Variants in SFSWAP observed in about 807,000 individuals in gnomAD.
The protein encoded by SFSWAP is splicing factor SWAP.
SFSWAP carries 17 observed loss-of-function variants against 100.7 expected under a neutral mutation model. The observed-to-expected ratio is 0.17, with a 90% CI of 0.12 to 0.25. The LOEUF (loss-of-function observed/expected upper bound fraction) is 0.25. Among genes scored for constraint, SFSWAP ranks in the 10% least tolerant of loss-of-function variants. SFSWAP has a pLI of 1.00. For missense variants in SFSWAP, 1,005 were observed against 1,262.6 expected, an observed-to-expected ratio of 0.80 and a Z score of 3.09; for synonymous variants, 504 against 510.1, an observed-to-expected ratio of 0.99 and a Z score of 0.16.
Position 131,738,054 on chromosome 12 carries a change from G to GT in SFSWAP, c.1081+9634dup, listed in dbSNP as rs1243553875. On this transcript the variant is annotated intron_variant, in intron 7 of 17. Transcript: ENST00000261674. ...TGCTGCCCACTGTGATAGCCTGTGG[G>GT]TTTTTTTTAATAAAATGCCAACTCA... is the stretch of plus-strand genomic sequence containing the variant. 6.5e-4 allele frequency among the ~76,000 whole-genome samples: 99 copies of GT among 151,664 alleles called. 2 individuals carry two copies. Among genetic ancestry groups the GT allele is most frequent in the South Asian group, 4.2e-4 (2 of 4,784 alleles).
At position 131,778,105 on chromosome 12, in the gene SFSWAP, G is replaced by A; in HGVS notation, c.2183G>A (p.Arg728Lys). Residue 728 changes from arginine to lysine, a missense_variant, in exon 14 of 18, where the codon AGG becomes AAG. By Grantham distance (26) the Arg-to-Lys change is conservative. Around this residue, in one of 7 missense-constraint regions of SFSWAP, gnomAD observed 295 missense variants for 347.9 expected, o/e 0.85. Transcript: ENST00000261674. This position sits in a 1 kb window ranked among gnomAD's most constrained non-coding sequence, Gnocchi z 4.2. ...TTPCPLLTGG[R>K]PLPTLEVKPP... Reference sequence around the variant, plus strand: ...CCCTGCCCTCTACTGACTGGAGGCAGGCCTCTGCCTACTTTAGAAGTTAAA... The same window carrying A: ...CCCTGCCCTCTACTGACTGGAGGCAAGCCTCTGCCTACTTTAGAAGTTAAA... 1 of 1,613,858 alleles carries A rather than the reference G, an allele frequency of 6.2e-7. No individual in the cohort carries two copies. Among genetic ancestry groups the A allele is most frequent in the South Asian group, 1.1e-5 (1 of 91,070 alleles).
chr12:131,749,805 G>A (rs1881455085), intron 7 of SFSWAP, among the ~76,000 whole-genome samples: 1 of 152,226 alleles, frequency 6.6e-6, no homozygotes, highest in Admixed American at 6.5e-5. Flanking sequence ...GAGATATGGA[G>A]TCCTTGGGAA....
At chr12:131,740,672 A>T (rs1880519238) in intron 7 of SFSWAP, among the ~76,000 whole-genome samples, 1 of 151,914 alleles carries the variant, frequency 6.6e-6, no homozygotes, top group Non-Finnish European at 1.5e-5. Flanking sequence ...CCTGTCAGCG[A>T]CTTTTTTCAG....
At chr12:131,792,680 A>G (rs11246809) in intron 15 of SFSWAP, among the ~76,000 whole-genome samples, 20,667 of 152,294 alleles carry the variant, frequency 0.14, 2,044 homozygotes, top group East Asian at 0.52. Flanking sequence ...GTGTGTGCCC[A>G]TAAGTATATG....
At chr12:131,786,757 C>T (rs772966834) in intron 15 of SFSWAP, among the ~76,000 whole-genome samples, 169 bp downstream of exon 15, 1 of 152,116 alleles carries the variant, frequency 6.6e-6, no homozygotes, top group Non-Finnish European at 1.5e-5. Context: ...ACTGTTGACA[C>T]TTGATCACAC....
chr12:131,764,730 C>T lies in SFSWAP; in HGVS notation c.1951+44C>T, dbSNP rs754932463. 5.0e-6 allele frequency: 7 copies of T among 1,401,464 alleles called. No individual in the cohort carries two copies. The Admixed American group carries it at 7.9e-5, about 16-fold the overall frequency. 86.8% of individuals were successfully genotyped at this position (1,401,464 alleles called of 1,614,324 possible). On this transcript the variant is annotated intron_variant, in intron 12 of 17. Coordinates refer to ENST00000261674, the MANE Select transcript of SFSWAP (RefSeq NM_004592.4). ...AACTTCTTGAAAGAAAGGAAATACA[C>T]AAATATAAGATTTATCTGCTAAGCC...
At chr12:131,785,367 G>A (rs1468749504) in intron 14 of SFSWAP, 4 of 679,244 alleles carry the variant, frequency 5.9e-6, no homozygotes, top group East Asian at 2.8e-5. Context: ...ATCCCGAGCT[G>A]ATCTGCAGAA....
chr12:131,759,796 C>T (rs1177597235), intron 11 of SFSWAP, among the ~76,000 whole-genome samples: 1 of 147,040 alleles, frequency 6.8e-6, no homozygotes, highest in Admixed American at 6.8e-5. Context: ...AGCGAGACTC[C>T]GTCTCAAAAA....
intron 3 of SFSWAP, among the ~76,000 whole-genome samples, chr12:131,715,310 C>T (rs1012620036): frequency 2.1e-4 from 32 of 152,186 alleles, no homozygotes; most frequent in Admixed American, 7.2e-4. Flanking sequence ...TTAACATCAC[C>T]GCCCTCTCAC....
At chr12:131,731,028 A>T (rs1252536123) in intron 7 of SFSWAP, among the ~76,000 whole-genome samples, 1 of 152,174 alleles carries the variant, frequency 6.6e-6, no homozygotes, top group East Asian at 1.9e-4. Flanking sequence ...CTCGCTGAGC[A>T]CAGCACTCAG....
intron 11 of SFSWAP, 77 bp downstream of exon 11, chr12:131,756,721 C>T (rs1031047110): frequency 2.3e-6 from 3 of 1,309,832 alleles, no homozygotes; most frequent in South Asian, 1.5e-5. Context: ...TGACCTCAGA[C>T]TCAGCGCCCT....
intron 7 of SFSWAP, among the ~76,000 whole-genome samples, chr12:131,750,519 T>TC (rs75912683): frequency 0.06 from 9,127 of 152,216 alleles, 566 homozygotes; most frequent in East Asian, 0.28. Context: ...TTCACAGCTC[T>TC]CCTCTGTGAG....
chr12:131,758,687 C>A (rs2136230600), intron 11 of SFSWAP, among the ~76,000 whole-genome samples: 1 of 152,270 alleles, frequency 6.6e-6, no homozygotes, highest in South Asian at 2.1e-4. Flanking sequence ...TGGCTCACGC[C>A]CATAATGCCA....
At chr12:131,746,738 G>A (rs541188902) in intron 7 of SFSWAP, among the ~76,000 whole-genome samples, 1 of 152,290 alleles carries the variant, frequency 6.6e-6, no homozygotes, top group East Asian at 1.9e-4. Flanking sequence ...CTAGAATTGC[G>A]GGGTGGGTAT....
chr12:131,720,711 T>G (rs541619014), intron 4 of SFSWAP, among the ~76,000 whole-genome samples: 1 of 152,220 alleles, frequency 6.6e-6, no homozygotes, highest in Non-Finnish European at 1.5e-5. Context: ...GTTCTTACCC[T>G]TCATTAATCT....
intron 15 of SFSWAP, among the ~76,000 whole-genome samples, chr12:131,792,568 G>T (rs1460825277): frequency 6.6e-6 from 1 of 151,814 alleles, no homozygotes; most frequent in Non-Finnish European, 1.5e-5. Context: ...TCACAGATCA[G>T]TACTGGTGTG....
Position 131,778,003 on chromosome 12 carries a change from A to G in SFSWAP, c.2143-62A>G. ...GAGGGGCCCAAAGTTGAAATTTTAT[A>G]GATATACATCTTCAATGTTCTGTTT... On this transcript the variant is annotated intron_variant, in intron 13 of 17. Transcript: ENST00000261674. This position sits in a 1 kb window ranked among gnomAD's most constrained non-coding sequence, Gnocchi z 4.2. 1 of 1,554,770 alleles carries G rather than the reference A, an allele frequency of 6.4e-7. No homozygotes were observed.
At chr12:131,749,689 C>T (rs566636274) in intron 7 of SFSWAP, among the ~76,000 whole-genome samples, 2 of 152,294 alleles carry the variant, frequency 1.3e-5, no homozygotes, top group East Asian at 3.9e-4. Context: ...TAGAAGCAGT[C>T]CAGGCCGTGC....
intron 13 of SFSWAP, among the ~76,000 whole-genome samples, chr12:131,767,944 G>T (rs764644736): frequency 1.3e-4 from 20 of 152,248 alleles, no homozygotes; most frequent in Non-Finnish European, 1.9e-4. Flanking sequence ...AAAAAAGGTA[G>T]TAACTCCGGG....
Sources: allele counts gnomAD v4.1 joint callset (sites outside exome capture counted in the v4.1 genomes callset), GRCh38; gene constraint gnomAD v4.1.1; regional missense constraint gnomAD v4.1.1; non-coding constraint Gnocchi (gnomAD v3.1); transcripts MANE v1.5; gene names NCBI Gene and HGNC (gene_info 2026-07-23, HGNC 2026-07-21).